The following SDHAF4 variants were observed in gnomAD, a reference collection of about 807,000 sequenced individuals.
The protein encoded by SDHAF4 is succinate dehydrogenase complex assembly factor 4.
SDHAF4 carries 14 observed loss-of-function variants against 14.3 expected under a neutral mutation model. That is an observed-to-expected ratio of 0.98 (90% CI 0.65 to 1.53). The LOEUF is 1.53. Among genes scored for constraint, SDHAF4 ranks in the 40% most tolerant of loss-of-function variants. The pLI is 0.00. For synonymous variants in SDHAF4, 63 were observed against 47.3 expected (o/e 1.33, Z -1.36); for missense variants, 141 against 129.3 (o/e 1.09, Z -0.44).
rs113029442 is a variant in SDHAF4 at position 70,582,536 on chromosome 6, C to G, written c.217+2970C>G. On this transcript the variant is annotated intron_variant, in intron 2 of 2. Coordinates refer to ENST00000370474, the MANE Select transcript of SDHAF4 (RefSeq NM_145267.3). ...TTCTAAAACTAAAGTCATCGTGTAC[C>G]CATTGTTCCAACTCACCTTCGGCCC... Among the ~76,000 whole-genome samples the G allele has an allele frequency of 4.3e-3, 653 of 152,226 alleles. 3 individuals are homozygous for G. The highest frequency in any genetic ancestry group is 0.015 in the African/African-American group (618 of 41,530).
chr6:70,590,469 ACTGT>A (rs1765248663), downstream of SDHAF4, among the ~76,000 whole-genome samples: 1 of 152,180 alleles, frequency 6.6e-6, no homozygotes, highest in Non-Finnish European at 1.5e-5. Context: ...TAGTCATGGC[ACTGT>A]CTGTGTGTGC....
intron 1 of SDHAF4, among the ~76,000 whole-genome samples, chr6:70,573,026 G>C (rs181237078): frequency 2.0e-5 from 3 of 152,108 alleles, no homozygotes; most frequent in East Asian, 3.9e-4. Context: ...CCAGGATAGA[G>C]AGCAGTAGTG....
chr6:70,588,108 G>A (rs139272141), intron 2 of SDHAF4, among the ~76,000 whole-genome samples: 270 of 152,326 alleles, frequency 1.8e-3, no homozygotes, highest in African/African-American at 6.3e-3. Flanking sequence ...CAAGTCTTAT[G>A]AATTTGTACT....
chr6:70,580,924 A>G (rs1802313720), intron 2 of SDHAF4, among the ~76,000 whole-genome samples: 2 of 151,922 alleles, frequency 1.3e-5, no homozygotes, highest in South Asian at 2.1e-4. Context: ...CCTTGTGAAT[A>G]TATTTTTGTT....
At chr6:70,580,349 A>G (rs1241123977) in intron 2 of SDHAF4, among the ~76,000 whole-genome samples, 1 of 152,214 alleles carries the variant, frequency 6.6e-6, no homozygotes, top group African/African-American at 2.4e-5. Flanking sequence ...AAGGATGTGG[A>G]GAAATTGAAA....
At chr6:70,568,224 G>A (rs1344886816) in intron 1 of SDHAF4, among the ~76,000 whole-genome samples, 2 of 152,194 alleles carry the variant, frequency 1.3e-5, no homozygotes, top group East Asian at 3.9e-4. Flanking sequence ...AAATTTTGTA[G>A]GGTTCATTCA....
At chr6:70,573,550 C>T (rs999407187) in intron 1 of SDHAF4, among the ~76,000 whole-genome samples, 1 of 151,800 alleles carries the variant, frequency 6.6e-6, no homozygotes, top group African/African-American at 2.4e-5. Flanking sequence ...AGGTGTGAGC[C>T]ACAATGCCCG....
Position 70,588,804 on chromosome 6 carries a change from T to C in SDHAF4, c.*80T>C. ...CTTATTTCTGATTATTTTCTTTCTT[T>C]ATATCCTTTATGTCGTGTAGTTTGT... On this transcript the variant is annotated 3_prime_UTR_variant, in exon 3 of 3. Coordinates refer to ENST00000370474, the MANE Select transcript of SDHAF4 (RefSeq NM_145267.3). The C allele has an allele frequency of 1.4e-6, 1 of 719,068 alleles. No individual in the cohort carries two copies. Among genetic ancestry groups the C allele is most frequent in the South Asian group, 1.8e-5 (1 of 54,836 alleles). 44.5% of individuals were successfully genotyped at this position (719,068 alleles called of 1,614,324 possible). A position where few individuals can be genotyped will look rare whatever the true frequency, so the allele number is the denominator to read the frequency against.
chr6:70,584,601 T>C (rs116387399), intron 2 of SDHAF4, among the ~76,000 whole-genome samples: 81 of 152,204 alleles, frequency 5.3e-4, no homozygotes, highest in African/African-American at 1.8e-3. Flanking sequence ...AGGGTGGTAA[T>C]GGTGAGAACA....
At chr6:70,576,988 G>A (rs1802263962) in intron 1 of SDHAF4, among the ~76,000 whole-genome samples, 1 of 152,216 alleles carries the variant, frequency 6.6e-6, no homozygotes, top group Non-Finnish European at 1.5e-5. Context: ...GAACCAGGGA[G>A]TTAGCAGGGC....
chr6:70,591,334 ATTTTTTTTTTT>A (rs76350573), downstream of SDHAF4, among the ~76,000 whole-genome samples: 3 of 101,228 alleles, frequency 3.0e-5, no homozygotes, highest in Admixed American at 9.9e-5. Context: ...GAGAGGAAAG[ATTTTTTTTTTT>A]TTTTTTTTTT....
intron 2 of SDHAF4, among the ~76,000 whole-genome samples, chr6:70,585,847 T>C (rs1427923388): frequency 1.3e-5 from 2 of 152,146 alleles, no homozygotes; most frequent in African/African-American, 4.8e-5. Context: ...GCTTTATGAT[T>C]TTGGTGAAGA....
intron 2 of SDHAF4, among the ~76,000 whole-genome samples, chr6:70,586,009 G>A (rs1765190439): frequency 6.6e-6 from 1 of 152,130 alleles, no homozygotes; most frequent in South Asian, 2.1e-4. Context: ...GGGCAAGGAG[G>A]ATGTTTTTCC....
At chr6:70,582,436 G>T (rs559135166) in intron 2 of SDHAF4, among the ~76,000 whole-genome samples, 1 of 152,252 alleles carries the variant, frequency 6.6e-6, no homozygotes, top group East Asian at 1.9e-4. Flanking sequence ...CCTCGTTCCT[G>T]AGCATCACTC....
At position 70,588,604 on chromosome 6, in the gene SDHAF4, G is replaced by A. The variant is rs773962963; in HGVS notation, c.218-11G>A. The A allele has an allele frequency of 2.5e-5, 38 of 1,503,118 alleles. No individual in the cohort carries two copies. The highest frequency in any genetic ancestry group is 2.5e-4 in the South Asian group (21 of 84,286). The allele number at this position is 1,503,118 out of a possible 1,614,324, so 93.1% of individuals were successfully genotyped here. ...CCATTAACTGCTTTATTTATATCTC[G>A]TTTTCCTTAGAATTTCCAGATGATG... On this transcript the variant is annotated splice_polypyrimidine_tract_variant and intron_variant, in intron 2 of 2. Transcript: ENST00000370474.
At chr6:70,577,102 A>G (rs965114734) in intron 1 of SDHAF4, among the ~76,000 whole-genome samples, 1 of 152,140 alleles carries the variant, frequency 6.6e-6, no homozygotes, top group African/African-American at 2.4e-5. Flanking sequence ...AAAGCCAGCA[A>G]CATCGGGTCT....
At chr6:70,587,168 T>TCACACACACACACACACACACACACACA (rs56012930) in intron 2 of SDHAF4, among the ~76,000 whole-genome samples, 11 of 135,556 alleles carry the variant, frequency 8.1e-5, no homozygotes, top group East Asian at 2.2e-4. Context: ...TGAAACTCCA[T>TCACACACACACACACACACACACACACA]CACACACACA....
At chr6:70,590,256 C>CAAAGA (rs768391402), downstream of SDHAF4, among the ~76,000 whole-genome samples, 1 of 151,680 alleles carries the variant, frequency 6.6e-6, no homozygotes, top group Non-Finnish European at 1.5e-5. Flanking sequence ...AAATAAAAAG[C>CAAAGA]AAAGAAAAGA....
intron 1 of SDHAF4, among the ~76,000 whole-genome samples, chr6:70,573,434 T>G (rs1802211366): frequency 6.6e-6 from 1 of 151,530 alleles, no homozygotes; most frequent in African/African-American, 2.4e-5. Context: ...CAGCTAATTT[T>G]TGTATTTCAA....
Sources: gnomAD v4.1 joint callset for allele counts (sites outside exome capture counted in the v4.1 genomes callset) on GRCh38, gnomAD v4.1.1 for gene constraint, MANE v1.5 for transcripts, NCBI Gene and HGNC (gene_info 2026-07-23, HGNC 2026-07-21) for gene names.